The following WDR86 variants were observed in gnomAD, a reference collection of about 807,000 sequenced individuals.
The protein encoded by WDR86 is WD repeat-containing protein 86.
In WDR86, 30 loss-of-function variants were observed where a neutral mutation model predicts 36.5. The observed-to-expected ratio is 0.82, with a 90% CI of 0.61 to 1.11. The LOEUF is 1.11. Ranked by LOEUF, WDR86 falls within the 50% of genes most tolerant of loss-of-function variation. WDR86 has a pLI of 0.00. For missense variants in WDR86, 545 were observed against 561.2 expected (o/e 0.97, Z 0.29); for synonymous variants, 255 against 252.9 (o/e 1.01, Z -0.08).
intron 3 of WDR86, among the ~76,000 whole-genome samples, chr7:151,395,252 G>T (rs1004409102): frequency 1.3e-5 from 2 of 152,220 alleles, no homozygotes; most frequent in East Asian, 3.8e-4. Context: ...GTCAACACCC[G>T]CTCCAGGCGC....
rs371656752 is a variant in WDR86 at position 151,381,998 on chromosome 7, C to A, written c.863-17G>T. ...CCGTGAACACTGCGGACACACAGCG[C>A]GCGCTGGGCCTCCCTCCCTGCTCGG... On this transcript the variant is annotated splice_polypyrimidine_tract_variant and intron_variant, in intron 4 of 5. Transcript: ENST00000334493. This position sits in a 1 kb window ranked among gnomAD's most constrained non-coding sequence, Gnocchi z 4.8. The A allele has an allele frequency of 6.3e-7, 1 of 1,579,286 alleles. No individual in the cohort carries two copies. Among genetic ancestry groups the A allele is most frequent in the African/African-American group, 1.3e-5 (1 of 74,260 alleles).
intron 2 of WDR86, among the ~76,000 whole-genome samples, chr7:151,397,655 A>AAG (rs577505663): frequency 0.013 from 703 of 54,804 alleles, 10 homozygotes; most frequent in East Asian, 0.025. Context: ...TAGCGGGAGG[A>AAG]AGGGCATAGC....
At position 151,381,725 on chromosome 7, in the gene WDR86, T is replaced by C; in HGVS notation, c.988A>G (p.Thr330Ala). 6 of 1,511,824 alleles carry C rather than the reference T, an allele frequency of 4.0e-6. No homozygotes were observed. The highest frequency in any genetic ancestry group is 5.3e-6 in the Non-Finnish European group (6 of 1,132,798). The allele number at this position is 1,511,824 out of a possible 1,614,324, so 93.7% of individuals were successfully genotyped here. A position where few individuals can be genotyped will look rare whatever the true frequency, so the allele number is the denominator to read the frequency against. ...CGCAGGGCGCCGTCGTGCGAGGCGG[T>C]GTAGAGCACCTGGCCGTGCACCTGC... ...CIQVHGQVLYTASHDGALRLW... is the reference protein window; with the variant it reads ...CIQVHGQVLYAASHDGALRLW... The change falls in exon 6 of 6, where the codon ACC becomes GCC. Residue 330 changes from threonine to alanine, a missense_variant. Thr to Ala is a moderately conservative substitution (Grantham distance 58, BLOSUM62 0). Coordinates refer to ENST00000334493, the MANE Select transcript of WDR86 (RefSeq NM_198285.3). The surrounding 1 kb of genome is among the most constrained non-coding windows in gnomAD (Gnocchi z 4.8).
At chr7:151,369,109 G>A in the WDR86 span, 46 of 372,418 alleles carry the variant, frequency 1.2e-4, 1 homozygote, top group East Asian at 1.5e-3. Flanking sequence ...CCGGGTTCAA[G>A]CAATTCTCGT....
At position 151,401,507 on chromosome 7, in the gene WDR86, A is replaced by G. The variant is rs2150846834; in HGVS notation, c.164-1266T>C. ...ACATTTCCTCACCTGGGATGGGGAC[A>G]ATGCCTGCCTCACGGGATGTAGCGC... On this transcript the variant is annotated intron_variant, in intron 1 of 5. Transcript: ENST00000334493. The surrounding 1 kb of genome is among the most constrained non-coding windows in gnomAD (Gnocchi z 4.3). Among the ~76,000 whole-genome samples, 4 of 152,302 alleles carry G rather than the reference A, an allele frequency of 2.6e-5. 1 individual carries two copies. The highest frequency in any genetic ancestry group is 6.8e-3 in the Middle Eastern group (2 of 294).
Position 151,388,413 on chromosome 7 carries a change from C to T in WDR86, c.727-3190G>A, listed in dbSNP as rs1009579796. On this transcript the variant is annotated intron_variant, in intron 3 of 5. Transcript: ENST00000334493. This position sits in a 1 kb window ranked among gnomAD's most constrained non-coding sequence, Gnocchi z 4.2. ...CAAGGACCCCAGGTCAAGCCCAGAA[C>T]CTGGGCGACCCCTCAAAGAGCAGGG... 6.6e-6 allele frequency among the ~76,000 whole-genome samples: 1 copy of T among 152,252 alleles called. No homozygotes were observed. The highest frequency in any genetic ancestry group is 1.5e-5 in the Non-Finnish European group (1 of 68,040).
rs1799799818 is a variant in WDR86 at position 151,396,026 on chromosome 7, T to G, written c.476A>C (p.Glu159Ala). The change falls in exon 3 of 6, where the codon GAG becomes GCG. Residue 159 changes from glutamate to alanine, a missense_variant. Transcript: ENST00000334493. ...CACCAGAAGCCCCCCGGCCGCGGCC[T>G]CCTCCGCGCAGGGAGTGCTGGGGAG... is the stretch of plus-strand genomic sequence containing the variant. ...WDLPSTPCAE[E>A]AAAGGLLVTG... 6.2e-7 allele frequency: 1 copy of G among 1,606,490 alleles called. No homozygotes were observed. Among genetic ancestry groups the G allele is most frequent in the African/African-American group, 1.3e-5 (1 of 74,908 alleles).
chr7:151,376,747 C>G (rs753322816), downstream of WDR86: 10 of 1,598,394 alleles, frequency 6.3e-6, no homozygotes, highest in Non-Finnish European at 7.7e-6. Context: ...GCCTGCCTCC[C>G]GAGCTGCCGC....
downstream of WDR86, among the ~76,000 whole-genome samples, chr7:151,374,845 C>T (rs1798135116): frequency 6.6e-6 from 1 of 152,188 alleles, no homozygotes; most frequent in African/African-American, 2.4e-5. Flanking sequence ...CCTCTCGGCC[C>T]CGCAGGTCAG....
At position 151,390,710 on chromosome 7, in the gene WDR86, C is replaced by T. The variant is rs568763768; in HGVS notation, c.726+5066G>A. Among the ~76,000 whole-genome samples, 2 of 152,102 alleles carry T rather than the reference C, an allele frequency of 1.3e-5. No homozygotes were observed. The highest frequency in any genetic ancestry group is 3.9e-4 in the East Asian group (2 of 5,180). On this transcript the variant is annotated intron_variant, in intron 3 of 5. Transcript: ENST00000334493. This position sits in a 1 kb window ranked among gnomAD's most constrained non-coding sequence, Gnocchi z 4.5. ...CATACCAGGGAATATTTATCAGTCA[C>T]GGAAAAAGGAGGGAATCTCATCACA...
At chr7:151,369,689 A>G in the WDR86 span, among the ~76,000 whole-genome samples, 1 of 152,256 alleles carries the variant, frequency 6.6e-6, no homozygotes, top group Non-Finnish European at 1.5e-5. Context: ...ATGGTGGAAT[A>G]TTAGCAGGAG....
At position 151,405,551 on chromosome 7, in the gene WDR86, C is replaced by G. The variant is rs1375621182; in HGVS notation, c.163+3876G>C. The stretch of plus-strand genomic sequence containing the variant: ...TGACATCTGGGCCCAGAAGCACCAA[C>G]AGCGTGGCTGGAATGGACACTGACG... On this transcript the variant is annotated intron_variant, in intron 1 of 5. Coordinates refer to ENST00000334493, the MANE Select transcript of WDR86 (RefSeq NM_198285.3). This position sits in a 1 kb window ranked among gnomAD's most constrained non-coding sequence, Gnocchi z 4.7. Among the ~76,000 whole-genome samples, 1 of 152,216 alleles carries G rather than the reference C, an allele frequency of 6.6e-6. No homozygotes were observed. The highest frequency in any genetic ancestry group is 1.5e-5 in the Non-Finnish European group (1 of 68,042).
At chr7:151,375,910 TC>T in exon 2 of WDR86, 1 of 1,613,012 alleles carries the variant, frequency 6.2e-7, no homozygotes, top group Non-Finnish European at 8.5e-7. Flanking sequence ...CCGACAACCG[TC>T]AAGAAAGTCC....
intron 3 of WDR86, among the ~76,000 whole-genome samples, chr7:151,393,974 G>A (rs536149277): frequency 2.0e-5 from 3 of 152,278 alleles, no homozygotes; most frequent in African/African-American, 7.2e-5. Flanking sequence ...AAACAGGTGC[G>A]AGCAGTGCAC....
At chr7:151,389,216 A>G (rs1425961876) in intron 3 of WDR86, among the ~76,000 whole-genome samples, 1 of 149,744 alleles carries the variant, frequency 6.7e-6, no homozygotes, top group East Asian at 2.0e-4. Flanking sequence ...TCAGCCTCCC[A>G]AAGTGCTGGG....
downstream of WDR86, among the ~76,000 whole-genome samples, chr7:151,375,627 G>A (rs1798181503): frequency 6.6e-6 from 1 of 152,176 alleles, no homozygotes; most frequent in African/African-American, 2.4e-5. Flanking sequence ...CTAACAGAAG[G>A]GATCTTTTCC....
chr7:151,396,279 A>T, intron 2 of WDR86, 83 bp from the exon 3 acceptor site: 1 of 1,490,818 alleles, frequency 6.7e-7, no homozygotes, highest in Non-Finnish European at 9.3e-7. Context: ...CATGCTCGGC[A>T]CTGCAGCTAA....
chr7:151,404,444 C>T (rs1800563521), intron 1 of WDR86, among the ~76,000 whole-genome samples: 1 of 152,152 alleles, frequency 6.6e-6, no homozygotes, highest in African/African-American at 2.4e-5. Flanking sequence ...GAGCATGTCC[C>T]CAACCCCAAC....
At position 151,406,044 on chromosome 7, in the gene WDR86, G is replaced by T. The variant is rs1358366207; in HGVS notation, c.163+3383C>A. Among the ~76,000 whole-genome samples, 1 of 152,206 alleles carries T rather than the reference G, an allele frequency of 6.6e-6. No individual in the cohort carries two copies. The highest frequency in any genetic ancestry group is 2.4e-5 in the African/African-American group (1 of 41,452). On this transcript the variant is annotated intron_variant, in intron 1 of 5. Transcript: ENST00000334493. This position sits in a 1 kb window ranked among gnomAD's most constrained non-coding sequence, Gnocchi z 4.4. ...CAATGAATAAACCTGAAAAAGAGGA[G>T]GTCAGGGATAAGCAAGTGGCAAGTA...
Sources: allele counts gnomAD v4.1 joint callset (sites outside exome capture counted in the v4.1 genomes callset), GRCh38; gene constraint gnomAD v4.1.1; non-coding constraint Gnocchi (gnomAD v3.1); transcripts MANE v1.5; gene names NCBI Gene and HGNC (gene_info 2026-07-23, HGNC 2026-07-21).